RASEF: variants seen among roughly 807,000 people sequenced by gnomAD.
RASEF encodes RAS and EF-hand domain containing, also known as ras and EF-hand domain-containing protein.
In RASEF, 68 loss-of-function variants were observed where a neutral mutation model predicts 90.1. The observed-to-expected ratio is 0.75, with a 90% CI of 0.62 to 0.92. RASEF has a LOEUF of 0.92. Ranked by LOEUF, RASEF falls within the 40% of genes least tolerant of loss-of-function variation. RASEF has a pLI of 0.00. For synonymous variants in RASEF, 331 were observed against 345.2 expected (o/e 0.96, Z 0.46); for missense variants, 949 against 937.2 (o/e 1.01, Z -0.16).
intron 1 of RASEF, among the ~76,000 whole-genome samples, chr9:83,059,447 G>A (rs1301160158): frequency 6.6e-6 from 1 of 151,492 alleles, no homozygotes. Context: ...TCAAAATGCA[G>A]ATATATGAAA....
chr9:83,000,764 A>G, intron 10 of RASEF, 132 bp downstream of exon 10: 1 of 954,208 alleles, frequency 1.0e-6, no homozygotes, highest in Non-Finnish European at 1.6e-6. Context: ...CTGTGGAGGA[A>G]AAAGCATTTT....
the RASEF span, among the ~76,000 whole-genome samples, chr9:83,087,405 T>TTCATTCTCTCTCTCTCTCTCTCTCTCTC: frequency 2.6e-5 from 3 of 115,532 alleles, no homozygotes; most frequent in African/African-American, 1.0e-4. Context: ...TTCTCATTCA[T>TTCATTCTCTCTCTCTCTCTCTCTCTCTC]TCTCTCTCTC....
chr9:83,164,148 G>A, the RASEF span, among the ~76,000 whole-genome samples: 39 of 151,126 alleles, frequency 2.6e-4, no homozygotes, highest in Admixed American at 4.0e-4. Context: ...AAGAAGTCAC[G>A]TAGAATAGAG....
chr9:83,055,411 G>A (rs1167426726), intron 1 of RASEF: 8 of 543,728 alleles, frequency 1.5e-5, no homozygotes, highest in East Asian at 6.6e-5. Flanking sequence ...GCTCGCGCAC[G>A]GTGCGCGCAC....
chr9:83,040,394 G>T (rs929206087), intron 1 of RASEF, among the ~76,000 whole-genome samples: 28 of 152,026 alleles, frequency 1.8e-4, no homozygotes, highest in Non-Finnish European at 3.4e-4. Context: ...ACATATATGT[G>T]AGTTCCAAAA....
At chr9:83,106,946 A>G in the RASEF span, among the ~76,000 whole-genome samples, 1 of 152,170 alleles carries the variant, frequency 6.6e-6, no homozygotes, top group Admixed American at 6.5e-5. Context: ...ATCAGAATCC[A>G]CATGAACATT....
chr9:83,076,100 G>C, the RASEF span, among the ~76,000 whole-genome samples: 11 of 150,576 alleles, frequency 7.3e-5, no homozygotes, highest in Admixed American at 6.0e-4. Context: ...CCAGGGAGTC[G>C]AAAGTTGCAG....
chr9:82,993,050 G>A lies in RASEF; in HGVS notation c.1921-25C>T, dbSNP rs202103825. 1.1e-5 allele frequency: 17 copies of A among 1,609,212 alleles called. No individual in the cohort carries two copies. In the East Asian group the frequency reaches 2.7e-4, roughly 25 times the overall value. On this transcript the variant is annotated intron_variant, in intron 14 of 16. Coordinates refer to ENST00000376447, the MANE Select transcript of RASEF (RefSeq NM_152573.4). ...CCTACCAGGAAGAAAAAAAAAATGGGGCACACATCAAACACTGGACACATT... is the reference window on the plus strand; with the variant it reads ...CCTACCAGGAAGAAAAAAAAAATGGAGCACACATCAAACACTGGACACATT...
chr9:83,063,393 T>G (rs1830253295), upstream of RASEF, among the ~76,000 whole-genome samples: 1 of 152,214 alleles, frequency 6.6e-6, no homozygotes, highest in Non-Finnish European at 1.5e-5. Context: ...GGCGCGCGCG[T>G]CAGAAGCTAA....
the RASEF span, among the ~76,000 whole-genome samples, chr9:83,122,937 C>T: frequency 2.0e-4 from 31 of 152,192 alleles, no homozygotes; most frequent in Middle Eastern, 0.01. Flanking sequence ...GGTATATGCA[C>T]TTGTCAAAAC....
At chr9:83,157,046 A>G in the RASEF span, among the ~76,000 whole-genome samples, 1 of 152,172 alleles carries the variant, frequency 6.6e-6, no homozygotes, top group African/African-American at 2.4e-5. Context: ...GATACAGGAG[A>G]TGGCTAACTC....
At chr9:83,089,892 TG>T in the RASEF span, among the ~76,000 whole-genome samples, 28 of 145,076 alleles carry the variant, frequency 1.9e-4, no homozygotes, top group Admixed American at 1.9e-3. Flanking sequence ...TATAGATAGA[TG>T]ATAGATAGAT....
chr9:83,090,126 T>A, the RASEF span, among the ~76,000 whole-genome samples: 1 of 152,204 alleles, frequency 6.6e-6, no homozygotes, highest in African/African-American at 2.4e-5. Flanking sequence ...AAATATGCTG[T>A]TGAGCCCCTC....
the RASEF span, among the ~76,000 whole-genome samples, chr9:83,091,872 T>G: frequency 6.6e-6 from 1 of 152,220 alleles, no homozygotes; most frequent in Non-Finnish European, 1.5e-5. Context: ...AATTTTGAGA[T>G]GTTATTTTTA....
rs772033799 is a variant in RASEF, at chr9:83,000,323, G to A, written c.1576-7C>T. On this transcript the variant is annotated splice_polypyrimidine_tract_variant and splice_region_variant and intron_variant, in intron 11 of 16. Transcript: ENST00000376447. ...TGTCATCTACCAGGTCTGTCTGGGGGGAAAAGCCACAGTGAATGATAACGG... is the reference window on the plus strand; with the variant it reads ...TGTCATCTACCAGGTCTGTCTGGGGAGAAAAGCCACAGTGAATGATAACGG... The A allele has an allele frequency of 1.2e-6, 2 of 1,612,662 alleles. No homozygotes were observed. The highest frequency in any genetic ancestry group is 1.3e-5 in the African/African-American group (1 of 74,910).
At chr9:83,195,497 G>A in the RASEF span, among the ~76,000 whole-genome samples, 1 of 152,116 alleles carries the variant, frequency 6.6e-6, no homozygotes, top group Non-Finnish European at 1.5e-5. Context: ...TCATTTGCGT[G>A]TTCCTTATTC....
chr9:83,046,764 G>A (rs1229277768), intron 1 of RASEF, among the ~76,000 whole-genome samples: 1 of 152,068 alleles, frequency 6.6e-6, no homozygotes, highest in African/African-American at 2.4e-5. Context: ...GGGATGAAAT[G>A]GCAGAGATCA....
chr9:83,174,644 G>A, the RASEF span, among the ~76,000 whole-genome samples: 1 of 152,066 alleles, frequency 6.6e-6, no homozygotes, highest in Non-Finnish European at 1.5e-5. Context: ...AACTTTCTGT[G>A]TGAATTTAAG....
intron 1 of RASEF, among the ~76,000 whole-genome samples, chr9:83,062,144 G>T (rs1169932602): frequency 1.3e-5 from 2 of 152,190 alleles, no homozygotes; most frequent in African/African-American, 4.8e-5. Context: ...GCCTAAACTC[G>T]CGCGGGGCGC....
Sources: gnomAD v4.1 joint callset for allele counts (sites outside exome capture counted in the v4.1 genomes callset) on GRCh38, gnomAD v4.1.1 for gene constraint, MANE v1.5 for transcripts, NCBI Gene and HGNC (gene_info 2026-07-23, HGNC 2026-07-21) for gene names.